SLC9A5: variants seen among roughly 807,000 people sequenced by gnomAD.
SLC9A5 encodes sodium/hydrogen exchanger 5.
SLC9A5 carries 52 observed loss-of-function variants against 91.7 expected under a neutral mutation model. That is an observed-to-expected ratio of 0.57 (90% CI 0.45 to 0.71). The LOEUF (loss-of-function observed/expected upper bound fraction) is 0.71, where lower values mean the gene tolerates loss of function less well. Ranked by LOEUF, SLC9A5 falls within the 30% of genes least tolerant of loss-of-function variation. The pLI, the probability that SLC9A5 is intolerant of heterozygous loss-of-function variation, is 0.00. For synonymous variants in SLC9A5, 419 were observed against 474.5 expected, an observed-to-expected ratio of 0.88 and a Z score of 1.52; for missense variants, 871 against 1,158.9, an observed-to-expected ratio of 0.75 and a Z score of 3.61.
intron 1 of SLC9A5, 79 bp downstream of exon 1, chr16:67,249,280 G>C (rs777333332): frequency 1.6e-5 from 19 of 1,179,936 alleles, no homozygotes; most frequent in Non-Finnish European, 2.0e-5. Context: ...TCGGTCCTCA[G>C]ATTGGGGCTG....
At position 67,256,484 on chromosome 16, in the gene SLC9A5, C is replaced by A; in HGVS notation, c.927C>A (p.Gly309=). The change falls in exon 6 of 16, where the codon GGC becomes GGA. Residue 309 remains glycine (G), a synonymous_variant. Transcript: ENST00000299798. The surrounding 1 kb of genome is among the most constrained non-coding windows in gnomAD (Gnocchi z 4.1). ...CCTCTCCCAGGGTGACCATGTGTGG[C>A]CTGGGCTGTAAGAAGTACGTGGAGG... ...LSAILAVTMC[G]LGCKKYVEAN... 6.2e-7 allele frequency: 1 copy of A among 1,610,498 alleles called. No individual in the cohort carries two copies. The highest frequency in any genetic ancestry group is 8.5e-7 in the Non-Finnish European group (1 of 1,179,662).
At chr16:67,253,086 G>A (rs1458601351) in intron 2 of SLC9A5, among the ~76,000 whole-genome samples, 1 of 152,216 alleles carries the variant, frequency 6.6e-6, no homozygotes, top group East Asian at 1.9e-4. Context: ...GGGCTGCCAA[G>A]GCTGGGGAGC....
At position 67,264,533 on chromosome 16, in the gene SLC9A5, C is replaced by T. The variant is rs1266391302; in HGVS notation, c.2013+11C>T. On this transcript the variant is annotated intron_variant, in intron 13 of 15. Coordinates refer to ENST00000299798, the MANE Select transcript of SLC9A5 (RefSeq NM_004594.3). The stretch of plus-strand genomic sequence containing the variant: ...ACTGGCCGCAGGAAGGCATGTCTTC[C>T]CTCAGGGACTCCTCTTGGGAGCTGG... 6.2e-7 allele frequency: 1 copy of T among 1,613,848 alleles called. No homozygotes were observed. Among genetic ancestry groups the T allele is most frequent in the East Asian group, 2.2e-5 (1 of 44,878 alleles).
chr16:67,262,754 AAG>A (rs1335879963), intron 12 of SLC9A5: 1 of 160,630 alleles, frequency 6.2e-6, no homozygotes, highest in Admixed American at 6.1e-5. Flanking sequence ...GAGAAAAGGA[AAG>A]AGAGCCAAAG....
chr16:67,254,950 GTT>G, intron 2 of SLC9A5, 69 bp from the exon 3 acceptor site: 1 of 1,501,692 alleles, frequency 6.7e-7, no homozygotes, highest in Non-Finnish European at 9.1e-7. Context: ...GCCTGGGCTT[GTT>G]CCAGGGCGTG....
At position 67,257,208 on chromosome 16, in the gene SLC9A5, A is replaced by T. The variant is rs926449881; in HGVS notation, c.1335+95A>T. The T allele has an allele frequency of 1.4e-6, 2 of 1,417,900 alleles. No homozygotes were observed. The highest frequency in any genetic ancestry group is 2.8e-5 in the African/African-American group (2 of 70,806). 87.8% of individuals were successfully genotyped at this position (1,417,900 alleles called of 1,614,324 possible). On this transcript the variant is annotated intron_variant, in intron 7 of 15. Transcript: ENST00000299798. The surrounding 1 kb of genome is among the most constrained non-coding windows in gnomAD (Gnocchi z 5.1). ...GACAGGGGCTTCTCTTCCCGCTGGG[A>T]GATGGAGGGCCCTGACTTCCCAGAC...
rs901385422 is a variant in SLC9A5, at chr16:67,256,385, C to A, written c.912-84C>A. 5 of 921,442 alleles carry A rather than the reference C, an allele frequency of 5.4e-6. No individual in the cohort carries two copies. The highest frequency in any genetic ancestry group is 8.7e-6 in the Non-Finnish European group (5 of 572,062). 57.1% of individuals were successfully genotyped at this position (921,442 alleles called of 1,614,324 possible). A position where few individuals can be genotyped will look rare whatever the true frequency, so the allele number is the denominator to read the frequency against. ...TCTGACATCCTGTAATGGGCAATGC[C>A]CCCTCCTGCAGTATGCTCAAACCCT... is the stretch of plus-strand genomic sequence containing the variant. On this transcript the variant is annotated intron_variant, in intron 5 of 15. Transcript: ENST00000299798. The surrounding 1 kb of genome is among the most constrained non-coding windows in gnomAD (Gnocchi z 4.1).
intron 2 of SLC9A5, among the ~76,000 whole-genome samples, chr16:67,254,585 C>T (rs749443445): frequency 3.9e-5 from 6 of 152,212 alleles, no homozygotes; most frequent in Non-Finnish European, 7.4e-5. Context: ...TTAGTAGAGA[C>T]AGGGTTTCAC....
At position 67,265,087 on chromosome 16, in the gene SLC9A5, C is replaced by T; in HGVS notation, c.2061C>T (p.Gly687=). 1 of 1,613,998 alleles carries T rather than the reference C, an allele frequency of 6.2e-7. No homozygotes were observed. Among genetic ancestry groups the T allele is most frequent in the South Asian group, 1.1e-5 (1 of 91,058 alleles). The change falls in exon 14 of 16, where the codon GGC becomes GGT. Residue 687 remains glycine (G), a synonymous_variant. Transcript: ENST00000299798. ...NAEATNGKHR[G]LGFQDTAAVI... is the part of the protein sequence containing the mutation. ...AGGCTACAAATGGGAAACATCGAGG[C>T]CTGGGCTTTCAGGACACAGGCAAGC...
rs768006548 is a variant in SLC9A5, at chr16:67,255,211, C to T, written c.654+27C>T. 63 of 1,606,128 alleles carry T rather than the reference C, an allele frequency of 3.9e-5. No individual in the cohort carries two copies. The East Asian group carries it at 1.2e-3, about 31-fold the overall frequency. ...TGAGCGTGCTCAGCTGACTGCCATTCCCTGACCCCAGGCTGCATGCTCTGA... is the reference window on the plus strand; with the variant it reads ...TGAGCGTGCTCAGCTGACTGCCATTTCCTGACCCCAGGCTGCATGCTCTGA... On this transcript the variant is annotated intron_variant, in intron 3 of 15. Transcript: ENST00000299798. The surrounding 1 kb of genome is among the most constrained non-coding windows in gnomAD (Gnocchi z 4.9).
In SLC9A5 at chr16:67,271,263, T is replaced by TGG. The variant is rs764918948; in HGVS notation, c.*55_*56dup. The TGG allele has an allele frequency of 2.0e-6, 3 of 1,465,416 alleles. No homozygotes were observed. In the East Asian group the frequency reaches 7.2e-5, roughly 35 times the overall value. The allele number at this position is 1,465,416 out of a possible 1,614,324, so 90.8% of individuals were successfully genotyped here. On this transcript the variant is annotated 3_prime_UTR_variant, in exon 16 of 16. Coordinates refer to ENST00000299798, the MANE Select transcript of SLC9A5 (RefSeq NM_004594.3). ...TGGAATCCCTGTGGGAAGTGCTCCC[T>TGG]GGGTGATGGGTAGAGCCCTCGAAAC...
chr16:67,257,271 C>T lies in SLC9A5; in HGVS notation c.1336-74C>T. 7.0e-7 allele frequency: 1 copy of T among 1,429,188 alleles called. No homozygotes were observed. Among genetic ancestry groups the T allele is most frequent in the East Asian group, 2.3e-5 (1 of 43,902 alleles). The allele number at this position is 1,429,188 out of a possible 1,614,324, so 88.5% of individuals were successfully genotyped here. A position where few individuals can be genotyped will look rare whatever the true frequency, so the allele number is the denominator to read the frequency against. On this transcript the variant is annotated intron_variant, in intron 7 of 15. Transcript: ENST00000299798. This position sits in a 1 kb window ranked among gnomAD's most constrained non-coding sequence, Gnocchi z 5.1. The stretch of plus-strand genomic sequence containing the variant: ...GGGGTAGGGGTACTGAAGCTGAAGC[C>T]TCATTACGGGGAGAGAAAGGCAGCA...
At position 67,248,989 on chromosome 16, in the gene SLC9A5, G is replaced by C. The variant is rs1456625960; in HGVS notation, c.-26G>C. 1 of 1,230,760 alleles carries C rather than the reference G, an allele frequency of 8.1e-7. No individual in the cohort carries two copies. The highest frequency in any genetic ancestry group is 1.0e-6 in the Non-Finnish European group (1 of 984,626). 76.2% of individuals were successfully genotyped at this position (1,230,760 alleles called of 1,614,324 possible). A position where few individuals can be genotyped will look rare whatever the true frequency, so the allele number is the denominator to read the frequency against. On this transcript the variant is annotated 5_prime_UTR_variant, in exon 1 of 16. Transcript: ENST00000299798. The surrounding 1 kb of genome is among the most constrained non-coding windows in gnomAD (Gnocchi z 5.3). ...GCGGGGCCGGCGGCCGTGCGGTGCC[G>C]GGAGGGCGGCTGGGCAGGCGGCAGG...
At position 67,258,240 on chromosome 16, in the gene SLC9A5, C is replaced by A; in HGVS notation, c.1497-78C>A. On this transcript the variant is annotated intron_variant, in intron 9 of 15. Transcript: ENST00000299798. This position sits in a 1 kb window ranked among gnomAD's most constrained non-coding sequence, Gnocchi z 4.5. The stretch of plus-strand genomic sequence containing the variant: ...AAAGCCAGGCCAGTGCTGACGGTGT[C>A]CTTGCCCCGTCTGAGGAAGGGCCAC... 1 of 1,511,226 alleles carries A rather than the reference C, an allele frequency of 6.6e-7. No homozygotes were observed. The highest frequency in any genetic ancestry group is 9.1e-7 in the Non-Finnish European group (1 of 1,097,762). 93.6% of individuals were successfully genotyped at this position (1,511,226 alleles called of 1,614,324 possible). A position where few individuals can be genotyped will look rare whatever the true frequency, so the allele number is the denominator to read the frequency against.
At chr16:67,260,032 G>A in intron 12 of SLC9A5, 86 bp downstream of exon 12, 2 of 1,526,152 alleles carry the variant, frequency 1.3e-6, no homozygotes, top group Non-Finnish European at 8.8e-7. Flanking sequence ...GCTTGTTGGA[G>A]AGCTGCAGAT....
chr16:67,250,538 T>A (rs2035076973), intron 1 of SLC9A5, among the ~76,000 whole-genome samples: 1 of 152,138 alleles, frequency 6.6e-6, no homozygotes, highest in South Asian at 2.1e-4. Flanking sequence ...AAAACTGTAG[T>A]TTTCCCCATA....
rs1394505133 is a variant in SLC9A5, at chr16:67,256,511, C to T, written c.954C>T (p.Ala318=). 2.5e-6 allele frequency: 4 copies of T among 1,613,344 alleles called. No homozygotes were observed. In the African/African-American group the frequency reaches 4.0e-5, roughly 16 times the overall value. ...CGLGCKKYVE[A]NISHKSRTTV... is the part of the protein sequence containing the mutation. ...TGGGCTGTAAGAAGTACGTGGAGGC[C>T]AACATCTCCCATAAGTCACGCACAA... Residue 318 remains alanine (A), a synonymous_variant, in exon 6 of 16, where the codon GCC becomes GCT. Coordinates refer to ENST00000299798, the MANE Select transcript of SLC9A5 (RefSeq NM_004594.3). This position sits in a 1 kb window ranked among gnomAD's most constrained non-coding sequence, Gnocchi z 4.1.
In SLC9A5 at chr16:67,257,526, T is replaced by C; in HGVS notation, c.1426-5T>C. On this transcript the variant is annotated splice_region_variant and splice_polypyrimidine_tract_variant and intron_variant, in intron 8 of 15. Transcript: ENST00000299798. The surrounding 1 kb of genome is among the most constrained non-coding windows in gnomAD (Gnocchi z 5.1). Reference sequence around the variant, plus strand: ...ATCCAGTCCCCCTACCCACCCCCCTTCTAGACTTTTGACCACATTCTGGCT... The same window carrying C: ...ATCCAGTCCCCCTACCCACCCCCCTCCTAGACTTTTGACCACATTCTGGCT... 6.2e-7 allele frequency: 1 copy of C among 1,608,812 alleles called. No individual in the cohort carries two copies. Among genetic ancestry groups the C allele is most frequent in the Non-Finnish European group, 8.5e-7 (1 of 1,175,838 alleles).
At position 67,271,139 on chromosome 16, in the gene SLC9A5, C is replaced by G; in HGVS notation, c.2620C>G (p.His874Asp). 6.2e-7 allele frequency: 1 copy of G among 1,613,596 alleles called. No homozygotes were observed. Among genetic ancestry groups the G allele is most frequent in the African/African-American group, 1.3e-5 (1 of 75,072 alleles). The part of the protein sequence containing the change: ...ELQPLMGHKD[H>D]THLSPGTATS... ...GCAGCCCCTCATGGGCCACAAGGAC[C>G]ACACCCATCTCAGCCCAGGCACCGC... Residue 874 changes from histidine (H) to aspartate (D), a missense_variant, in exon 16 of 16, where the codon CAC becomes GAC. Physicochemically the swap from His to Asp is moderately conservative, Grantham distance 81 (BLOSUM62 -1). Around this residue, in one of 3 missense-constraint regions of SLC9A5, gnomAD observed 295 missense variants for 326.0 expected, o/e 0.90. Coordinates refer to ENST00000299798, the MANE Select transcript of SLC9A5 (RefSeq NM_004594.3).
Sources: gnomAD v4.1 joint callset for allele counts (sites outside exome capture counted in the v4.1 genomes callset) on GRCh38, gnomAD v4.1.1 for gene constraint, gnomAD v4.1.1 regional missense constraint, Gnocchi (gnomAD v3.1) non-coding constraint, MANE v1.5 for transcripts, NCBI Gene and HGNC (gene_info 2026-07-23, HGNC 2026-07-21) for gene names.